LARGE1: variants seen among roughly 807,000 people sequenced by gnomAD.
LARGE1 encodes xylosyl- and glucuronyltransferase LARGE1.
In LARGE1, 43 loss-of-function variants were observed where a neutral mutation model predicts 87.6. The ratio of observed to expected loss-of-function variants is 0.49; its 90% CI spans 0.38 to 0.63. The LOEUF (loss-of-function observed/expected upper bound fraction) is 0.63. Ranked by LOEUF, LARGE1 falls within the 30% of genes least tolerant of loss-of-function variation. The pLI, the probability that LARGE1 is intolerant of heterozygous loss-of-function variation, is 0.00. For synonymous variants in LARGE1, 434 were observed against 394.6 expected, an observed-to-expected ratio of 1.10 and a Z score of -1.18; for missense variants, 802 against 1,000.2, an observed-to-expected ratio of 0.80 and a Z score of 2.67.
chr22:33,699,222 A>C (rs2149363829), intron 2 of LARGE1, among the ~76,000 whole-genome samples: 1 of 152,342 alleles, frequency 6.6e-6, no homozygotes, highest in African/African-American at 2.4e-5. Context: ...TGAAGTCGAG[A>C]AAGTTTGAGC....
At chr22:33,467,128 C>T (rs551950174) in intron 6 of LARGE1, among the ~76,000 whole-genome samples, 1 of 152,312 alleles carries the variant, frequency 6.6e-6, no homozygotes, top group Admixed American at 6.5e-5. Context: ...TTCCATTTTT[C>T]CAGAGGCAGG....
intron 2 of LARGE1, among the ~76,000 whole-genome samples, chr22:33,675,756 T>C (rs1484234801): frequency 6.6e-6 from 1 of 152,194 alleles, no homozygotes; most frequent in African/African-American, 2.4e-5. Flanking sequence ...CAAAAGGCGT[T>C]TATGACCCAA....
In LARGE1 at chr22:33,849,259, C is replaced by A. The variant is rs74454482; in HGVS notation, c.-83+70736G>T. 9.8e-3 allele frequency among the ~76,000 whole-genome samples: 1,492 copies of A among 152,258 alleles called. 20 individuals carry two copies. Among genetic ancestry groups the A allele is most frequent in the African/African-American group, 0.035 (1,435 of 41,542 alleles). On this transcript the variant is annotated intron_variant, in intron 1 of 14. Coordinates refer to ENST00000397394, the MANE Select transcript of LARGE1 (RefSeq NM_133642.5). ...ACTCCAGGTCCAGCAGACACACAGG[C>A]CCACTTCGCAGAACATCTCAACCAC...
At chr22:33,304,623 C>T in intron 11 of LARGE1, 116 bp from the exon 12 acceptor site, 1 of 1,122,048 alleles carries the variant, frequency 8.9e-7, no homozygotes, top group Non-Finnish European at 1.2e-6. Context: ...TGGATCAAAT[C>T]CCTGCTTTCA....
upstream of LARGE1, among the ~76,000 whole-genome samples, chr22:33,921,054 G>A (rs1053252986): frequency 6.6e-6 from 1 of 150,544 alleles, no homozygotes; most frequent in Non-Finnish European, 1.5e-5. This position sits in a 1 kb window ranked among gnomAD's most constrained non-coding sequence, Gnocchi z 4.1. Context: ...ACCGCGAGCC[G>A]GGGCTGGGTT....
At chr22:33,771,939 C>T (rs910017006) in intron 1 of LARGE1, among the ~76,000 whole-genome samples, 1 of 152,210 alleles carries the variant, frequency 6.6e-6, no homozygotes, top group African/African-American at 2.4e-5. Flanking sequence ...TCGCATACAT[C>T]GTCCTCTCTC....
At chr22:33,162,886 G>A (rs550526142) in exon 12 of LARGE1, 36 of 152,298 alleles carry the variant, frequency 2.4e-4, no homozygotes, top group African/African-American at 7.2e-4. Flanking sequence ...ACACTTGGAC[G>A]TGTATGCTTA....
chr22:33,378,396 T>C (rs1396039001), intron 9 of LARGE1, among the ~76,000 whole-genome samples: 1 of 152,202 alleles, frequency 6.6e-6, no homozygotes, highest in Non-Finnish European at 1.5e-5. Context: ...TTATTAACTG[T>C]TTATCCGCTG....
rs528513353 is a variant in LARGE1, at chr22:33,179,620, A to T, written c.1731-12788T>A. ...GGCATCCTGGTAGCTCCTTAAATCA[A>T]TGTAGTGTTTTACTCTTCTGTATAT... On this transcript the variant is annotated intron_variant, in intron 11 of 11. Coordinates refer to the LARGE1 transcript ENST00000608642. Among the ~76,000 whole-genome samples the T allele has an allele frequency of 2.0e-5, 3 of 152,210 alleles. No homozygotes were observed. The South Asian group carries it at 6.2e-4, about 32-fold the overall frequency.
At chr22:33,425,973 C>T (rs1260091556) in intron 7 of LARGE1, among the ~76,000 whole-genome samples, 1 of 152,070 alleles carries the variant, frequency 6.6e-6, no homozygotes, top group African/African-American at 2.4e-5. Context: ...GTCTCGATTT[C>T]CTGACCTTGT....
intron 6 of LARGE1, among the ~76,000 whole-genome samples, chr22:33,449,192 C>T (rs767884239): frequency 2.0e-4 from 31 of 152,068 alleles, no homozygotes; most frequent in Non-Finnish European, 4.4e-4. Context: ...CCAAGCTGCC[C>T]GAGATCCAAG....
At chr22:33,704,778 C>T (rs980242057) in intron 2 of LARGE1, 1 of 152,372 alleles carries the variant, frequency 6.6e-6, no homozygotes, top group South Asian at 2.1e-4. Context: ...CCAGCTATGT[C>T]CTTGGCCGAA....
chr22:33,550,984 G>A lies in LARGE1; in HGVS notation c.787+13864C>T, dbSNP rs569273725. Among the ~76,000 whole-genome samples, 99 of 152,200 alleles carry A rather than the reference G, an allele frequency of 6.5e-4. 1 individual carries two copies. The highest frequency in any genetic ancestry group is 3.2e-3 in the Admixed American group (49 of 15,290). On this transcript the variant is annotated intron_variant, in intron 6 of 14. Transcript: ENST00000397394. ...TATCACATGCTCTCATTTATAAATG[G>A]GAGCTAAAAAATGTGTACACATGGA...
intron 11 of LARGE1, among the ~76,000 whole-genome samples, chr22:33,198,975 A>G (rs1924231283): frequency 6.6e-6 from 1 of 152,144 alleles, no homozygotes; most frequent in African/African-American, 2.4e-5. Context: ...GTGTATAAAT[A>G]TTCCCTTTTC....
chr22:33,253,758 T>C (rs1927120641), intron 11 of LARGE1, among the ~76,000 whole-genome samples: 1 of 152,110 alleles, frequency 6.6e-6, no homozygotes, highest in Non-Finnish European at 1.5e-5. Context: ...TATCTGAGGA[T>C]GGGGCTGCAC....
the LARGE1 span, among the ~76,000 whole-genome samples, chr22:33,140,240 C>T: frequency 0.011 from 1,684 of 152,208 alleles, 16 homozygotes; most frequent in Non-Finnish European, 0.017. Context: ...ATGCTGTGGT[C>T]CTCAACTGGG....
At chr22:33,846,233 A>G (rs911221228) in intron 1 of LARGE1, among the ~76,000 whole-genome samples, 2 of 152,234 alleles carry the variant, frequency 1.3e-5, no homozygotes, top group African/African-American at 4.8e-5. Flanking sequence ...TGAAGATTTC[A>G]TGGACATTTA....
At chr22:33,595,105 G>C (rs1251583393) in intron 5 of LARGE1, among the ~76,000 whole-genome samples, 3 of 152,150 alleles carry the variant, frequency 2.0e-5, no homozygotes, top group African/African-American at 7.2e-5. Flanking sequence ...CTGTGGCATG[G>C]AGTTCTTGGG....
At chr22:33,746,599 T>G (rs1435113907) in intron 2 of LARGE1, 3 of 152,194 alleles carry the variant, frequency 2.0e-5, no homozygotes, top group Admixed American at 6.5e-5. Flanking sequence ...GGCAATGTTA[T>G]TAGAGTCCAC....
Sources: allele counts gnomAD v4.1 joint callset (sites outside exome capture counted in the v4.1 genomes callset), GRCh38; gene constraint gnomAD v4.1.1; non-coding constraint Gnocchi (gnomAD v3.1); transcripts MANE v1.5; gene names NCBI Gene and HGNC (gene_info 2026-07-23, HGNC 2026-07-21).